The following GLRA2 variants were observed in gnomAD, a reference collection of about 807,000 sequenced individuals.
The protein encoded by GLRA2 is glycine receptor alpha 2, also known as glycine receptor subunit alpha-2.
GLRA2 carries 11 observed loss-of-function variants against 31.6 expected under a neutral mutation model. The ratio of observed to expected loss-of-function variants is 0.35; its 90% CI spans 0.22 to 0.58. The LOEUF (loss-of-function observed/expected upper bound fraction) is 0.58. Ranked by LOEUF, GLRA2 falls within the 20% of genes least tolerant of loss-of-function variation. The pLI is 0.84. For synonymous variants in GLRA2, 132 were observed against 134.0 expected (o/e 0.99, Z 0.10); for missense variants, 212 against 351.8 (o/e 0.60, Z 3.18).
chrX:14,681,018 A>G (rs2091195651), intron 7 of GLRA2, among the ~76,000 whole-genome samples: 1 of 112,244 alleles, frequency 8.9e-6, no homozygotes, highest in Non-Finnish European at 1.9e-5. Flanking sequence ...TATAACTGGA[A>G]ATGCTGTGAT....
the GLRA2 span, among the ~76,000 whole-genome samples, chrX:14,458,662 A>T: frequency 8.9e-6 from 1 of 112,190 alleles, no homozygotes. Flanking sequence ...GGGCTGCATA[A>T]ATGTCTTCTT....
chrX:14,520,020 C>T, the GLRA2 span, among the ~76,000 whole-genome samples: 3 of 111,999 alleles, frequency 2.7e-5, no homozygotes, highest in Non-Finnish European at 5.6e-5. Context: ...CTACAAAATG[C>T]TAACTTACTT....
the GLRA2 span, among the ~76,000 whole-genome samples, chrX:14,449,060 C>T: frequency 2.7e-5 from 3 of 112,484 alleles, no homozygotes; most frequent in Non-Finnish European, 3.7e-5. Context: ...CAGACCTCTG[C>T]GTGAGCTGGA....
intron 3 of GLRA2, among the ~76,000 whole-genome samples, chrX:14,576,082 G>T (rs963021123): frequency 9.2e-5 from 10 of 108,227 alleles, no homozygotes; most frequent in African/African-American, 2.7e-4. Context: ...AAAAAAAAAG[G>T]TTTCCTTGTT....
At chrX:14,546,554 C>G (rs1027840919) in intron 2 of GLRA2, among the ~76,000 whole-genome samples, 3 of 110,628 alleles carry the variant, frequency 2.7e-5, no homozygotes, top group Non-Finnish European at 5.7e-5. Flanking sequence ...CTCCACGATT[C>G]TACTTGTCAA....
At chrX:14,606,658 T>C (rs1248024443) in intron 5 of GLRA2, among the ~76,000 whole-genome samples, 3 of 111,710 alleles carry the variant, frequency 2.7e-5, no homozygotes, top group Admixed American at 9.5e-5. Flanking sequence ...GCCAAGTCTG[T>C]AATGGGAATG....
At chrX:14,612,351 T>C (rs189402428) in intron 7 of GLRA2, among the ~76,000 whole-genome samples, 1 of 111,456 alleles carries the variant, frequency 9.0e-6, no homozygotes, top group African/African-American at 3.3e-5. Context: ...TGTGGAAAAA[T>C]AGGAATGCTT....
the GLRA2 span, among the ~76,000 whole-genome samples, chrX:14,449,479 C>T: frequency 1.8e-5 from 2 of 112,630 alleles, no homozygotes; most frequent in Non-Finnish European, 3.8e-5. Context: ...AGGCACCCAT[C>T]CCCCAAGGCT....
intron 7 of GLRA2, among the ~76,000 whole-genome samples, chrX:14,636,032 A>G (rs1253734425): frequency 1.8e-5 from 2 of 111,970 alleles, no homozygotes; most frequent in African/African-American, 6.5e-5. Context: ...CAAAGCTGGA[A>G]CTATTTAAGC....
chrX:14,623,958 G>A (rs13151694), intron 7 of GLRA2, among the ~76,000 whole-genome samples: 32 of 111,458 alleles, frequency 2.9e-4, no homozygotes, highest in Non-Finnish European at 5.7e-4. Flanking sequence ...GGTAGAATTC[G>A]GCTGTGAATC....
chrX:14,730,592 GGGA>G lies in GLRA2; in HGVS notation c.*110_*112del. On this transcript the variant is annotated 3_prime_UTR_variant, in exon 9 of 9. Transcript: ENST00000218075. Reference sequence around the variant, plus strand: ...GACAGAGGAGAAGATTGAGGGAGGGGGGAGGGAGGGTCATGGGGGTGGGTTTCC... The same window carrying G: ...GACAGAGGAGAAGATTGAGGGAGGGGGGGAGGGTCATGGGGGTGGGTTTCC... The G allele has an allele frequency of 1.6e-5, 2 of 125,443 alleles. No individual in the cohort carries two copies. The highest frequency in any genetic ancestry group is 2.3e-4 in the East Asian group (1 of 4,339). The allele number at this position is 125,443 out of a possible 1,213,427, so 10.3% of individuals were successfully genotyped here.
chrX:14,632,792 T>C (rs1439730933), intron 7 of GLRA2, among the ~76,000 whole-genome samples: 1 of 111,568 alleles, frequency 9.0e-6, no homozygotes, highest in Non-Finnish European at 1.9e-5. Flanking sequence ...AAATCACATA[T>C]TCACTTTAAT....
intron 7 of GLRA2, among the ~76,000 whole-genome samples, chrX:14,625,266 A>G (rs1222474725): frequency 9.0e-6 from 1 of 110,976 alleles, no homozygotes; most frequent in African/African-American, 3.3e-5. Context: ...GGGTCTCCTG[A>G]ATACAGCACA....
intron 8 of GLRA2, among the ~76,000 whole-genome samples, chrX:14,722,934 C>T (rs1356166992): frequency 8.9e-6 from 1 of 112,610 alleles, no homozygotes; most frequent in Admixed American, 9.4e-5. Context: ...CAAGTATTGC[C>T]TTATCTGGGT....
chrX:14,491,004 C>G, the GLRA2 span, among the ~76,000 whole-genome samples: 1 of 111,602 alleles, frequency 9.0e-6, no homozygotes, highest in African/African-American at 3.3e-5. Flanking sequence ...CAGTCTATCT[C>G]TATTTGAATT....
chrX:14,668,419 A>G (rs938856894), intron 7 of GLRA2, among the ~76,000 whole-genome samples: 1 of 112,252 alleles, frequency 8.9e-6, no homozygotes, highest in African/African-American at 3.2e-5. Flanking sequence ...ATTGGGGCCC[A>G]TTTTAGAAGG....
At chrX:14,623,435 A>C (rs1355076891) in intron 7 of GLRA2, among the ~76,000 whole-genome samples, 1 of 111,274 alleles carries the variant, frequency 9.0e-6, no homozygotes, top group East Asian at 2.8e-4. Flanking sequence ...GCCAGTTTTC[A>C]AAGGGAATGC....
At chrX:14,506,771 T>C in the GLRA2 span, among the ~76,000 whole-genome samples, 1 of 111,449 alleles carries the variant, frequency 9.0e-6, no homozygotes, top group Non-Finnish European at 1.9e-5. Context: ...GAAGACCCTC[T>C]AATTGAGCCT....
the GLRA2 span, among the ~76,000 whole-genome samples, chrX:14,501,601 C>T: frequency 9.0e-6 from 1 of 111,522 alleles, no homozygotes; most frequent in South Asian, 3.7e-4. Context: ...TCCTACGAGC[C>T]GTTCCAGAAT....
Sources: allele counts gnomAD v4.1 joint callset (sites outside exome capture counted in the v4.1 genomes callset), GRCh38; gene constraint gnomAD v4.1.1; transcripts MANE v1.5; gene names NCBI Gene and HGNC (gene_info 2026-07-23, HGNC 2026-07-21).